Variants in MED26 observed in about 807,000 individuals in gnomAD.
MED26 encodes the protein mediator complex subunit 26.
Under a neutral mutation model 43.7 loss-of-function variants are expected in MED26, and 7 were observed. The observed-to-expected ratio is 0.16, with a 90% CI of 0.09 to 0.30. The LOEUF is 0.30. MED26 is among the 10% of genes least tolerant of loss of function. The pLI is 1.00. For synonymous variants in MED26, 375 were observed against 371.1 expected (o/e 1.01, Z -0.12); for missense variants, 784 against 840.6 (o/e 0.93, Z 0.83).
chr19:16,627,790 C>G, intron 1 of MED26, 82 bp downstream of exon 1: 1 of 1,041,178 alleles, frequency 9.6e-7, no homozygotes, highest in Non-Finnish European at 1.3e-6. Flanking sequence ...TCCCCCGAAG[C>G]CCGGTGGGCG....
intron 1 of MED26, among the ~76,000 whole-genome samples, chr19:16,616,747 C>T (rs539499956): frequency 2.7e-4 from 41 of 152,254 alleles, no homozygotes; most frequent in Middle Eastern, 3.4e-3. Context: ...GGCCGAAGAC[C>T]GTGAGCAGTG....
intron 1 of MED26, among the ~76,000 whole-genome samples, chr19:16,592,232 C>T (rs1226925759): frequency 6.6e-6 from 1 of 152,218 alleles, no homozygotes; most frequent in Admixed American, 6.5e-5. Flanking sequence ...ATCCCTCTGA[C>T]AACTGTAAAC....
rs554309958 is a variant in MED26 at position 16,617,692 on chromosome 19, C to A, written c.72+10180G>T. On this transcript the variant is annotated intron_variant, in intron 1 of 2. Coordinates refer to ENST00000263390, the MANE Select transcript of MED26 (RefSeq NM_004831.5). ...TTAGAGGAAGGAAAAAGCTGGGGAG[C>A]AAATGCGGAGGAGCTCACAGGAGAG... Among the ~76,000 whole-genome samples, 14 of 152,330 alleles carry A rather than the reference C, an allele frequency of 9.2e-5. No individual in the cohort carries two copies. The East Asian group carries it at 2.7e-3, about 29-fold the overall frequency.
intron 1 of MED26, among the ~76,000 whole-genome samples, chr19:16,591,781 G>A (rs1037537069): frequency 1.3e-5 from 2 of 152,300 alleles, no homozygotes; most frequent in African/African-American, 4.8e-5. Flanking sequence ...AAGTAGCCAC[G>A]GTGCGTCTGA....
chr19:16,584,014 A>G (rs1468121569), intron 1 of MED26, among the ~76,000 whole-genome samples: 1 of 152,130 alleles, frequency 6.6e-6, no homozygotes, highest in Non-Finnish European at 1.5e-5. Context: ...GGGGGCATGG[A>G]GGGGACAACT....
chr19:16,588,024 A>C (rs1257403427), intron 1 of MED26: 1 of 152,246 alleles, frequency 6.6e-6, no homozygotes, highest in African/African-American at 2.4e-5. Context: ...AGCTCTTCCC[A>C]ACCAAACTAC....
chr19:16,609,336 A>AAAAAAAAAGAGAGAGAG (rs765489188), intron 1 of MED26, among the ~76,000 whole-genome samples: 19 of 142,370 alleles, frequency 1.3e-4, no homozygotes, highest in Non-Finnish European at 1.7e-4. Flanking sequence ...AAAAAAAAAA[A>AAAAAAAAAGAGAGAGAG]AGAGAGAGAA....
chr19:16,616,967 C>T (rs1473812603), intron 1 of MED26, among the ~76,000 whole-genome samples: 1 of 152,118 alleles, frequency 6.6e-6, no homozygotes, highest in East Asian at 1.9e-4. Context: ...ACACAACAGG[C>T]ATCCTTGTGC....
At chr19:16,620,841 C>T (rs1568291410) in intron 1 of MED26, among the ~76,000 whole-genome samples, 1 of 152,150 alleles carries the variant, frequency 6.6e-6, no homozygotes, top group African/African-American at 2.4e-5. Context: ...AACTTCATTT[C>T]GAAGCATGAC....
At chr19:16,601,660 C>G (rs1467751606) in intron 1 of MED26, among the ~76,000 whole-genome samples, 2 of 152,188 alleles carry the variant, frequency 1.3e-5, no homozygotes, top group African/African-American at 2.4e-5. Flanking sequence ...TGCGAGGACA[C>G]CTGGAGAGTA....
intron 1 of MED26, among the ~76,000 whole-genome samples, chr19:16,617,504 G>A (rs2086231690): frequency 6.6e-6 from 1 of 152,174 alleles, no homozygotes; most frequent in African/African-American, 2.4e-5. Context: ...AAACTCAGGA[G>A]CTGCTGCCTT....
chr19:16,603,992 C>A (rs2086161467), intron 1 of MED26, among the ~76,000 whole-genome samples: 1 of 152,228 alleles, frequency 6.6e-6, no homozygotes, highest in South Asian at 2.1e-4. Flanking sequence ...GCCTGGCAGA[C>A]CTAAGCACAA....
intron 1 of MED26, among the ~76,000 whole-genome samples, chr19:16,597,636 G>A (rs1424281584): frequency 6.6e-6 from 1 of 152,162 alleles, no homozygotes; most frequent in Non-Finnish European, 1.5e-5. Flanking sequence ...ACAGAGGTGC[G>A]TCCGGCTCTG....
At chr19:16,627,384 C>T (rs2086284183) in intron 1 of MED26, among the ~76,000 whole-genome samples, 1 of 152,162 alleles carries the variant, frequency 6.6e-6, no homozygotes, top group Non-Finnish European at 1.5e-5. Context: ...GTGCTGCCAG[C>T]CGAGAGGAGG....
At chr19:16,591,976 C>T (rs1209448496) in intron 1 of MED26, among the ~76,000 whole-genome samples, 1 of 152,182 alleles carries the variant, frequency 6.6e-6, no homozygotes, top group Non-Finnish European at 1.5e-5. Flanking sequence ...AACGCACAAT[C>T]CCCATCCCCA....
Position 16,587,666 on chromosome 19 carries a change from A to T in MED26, c.73-9257T>A, listed in dbSNP as rs2086077301. 6.6e-6 allele frequency: 1 copy of T among 152,304 alleles called. No homozygotes were observed. The highest frequency in any genetic ancestry group is 2.4e-5 in the African/African-American group (1 of 41,460). 9.4% of individuals were successfully genotyped at this position (152,304 alleles called of 1,614,324 possible). ...CTGCTGGGGCCCTCCTGCTACTCCC[A>T]GGAGCAGCCGGCCACCTGAGTGGTC... On this transcript the variant is annotated intron_variant, in intron 1 of 2. Transcript: ENST00000263390. The surrounding 1 kb of genome is among the most constrained non-coding windows in gnomAD (Gnocchi z 4.9).
At position 16,586,048 on chromosome 19, in the gene MED26, T is replaced by A. The variant is rs1027234342; in HGVS notation, c.73-7639A>T. Among the ~76,000 whole-genome samples, 4 of 152,348 alleles carry A rather than the reference T, an allele frequency of 2.6e-5. No homozygotes were observed. The highest frequency in any genetic ancestry group is 2.6e-4 in the Admixed American group (4 of 15,302). On this transcript the variant is annotated intron_variant, in intron 1 of 2. Coordinates refer to ENST00000263390, the MANE Select transcript of MED26 (RefSeq NM_004831.5). The surrounding 1 kb of genome is among the most constrained non-coding windows in gnomAD (Gnocchi z 5.1). ...CCCCTTGGCTTGCCTCTCCATTTTC[T>A]CCACATCTGAACTGTTCCCACCCCG...
intron 1 of MED26, among the ~76,000 whole-genome samples, chr19:16,607,622 G>T (rs1224335211): frequency 6.6e-6 from 1 of 152,216 alleles, no homozygotes; most frequent in Non-Finnish European, 1.5e-5. Flanking sequence ...GAGAACCCGG[G>T]GAGGTAATAC....
intron 1 of MED26, among the ~76,000 whole-genome samples, chr19:16,591,348 C>T (rs959123947): frequency 1.6e-4 from 25 of 151,658 alleles, no homozygotes; most frequent in African/African-American, 6.1e-4. Flanking sequence ...TGAGAATGCA[C>T]ACAATGCACT....
Sources: gnomAD v4.1 joint callset for allele counts (sites outside exome capture counted in the v4.1 genomes callset) on GRCh38, gnomAD v4.1.1 for gene constraint, Gnocchi (gnomAD v3.1) non-coding constraint, MANE v1.5 for transcripts, NCBI Gene and HGNC (gene_info 2026-07-23, HGNC 2026-07-21) for gene names.